The following SPATA16 variants were observed in gnomAD, a reference collection of about 807,000 sequenced individuals.
SPATA16 encodes the protein spermatogenesis-associated protein 16.
A neutral mutation model predicts 63.3 loss-of-function variants in SPATA16; 36 were observed. The ratio of observed to expected loss-of-function variants is 0.57; its 90% CI spans 0.44 to 0.75. SPATA16 has a LOEUF of 0.75. Ranked by LOEUF, SPATA16 falls within the 30% of genes least tolerant of loss-of-function variation. The pLI is 0.00. For synonymous variants in SPATA16, 203 were observed against 216.7 expected (o/e 0.94, Z 0.56); for missense variants, 646 against 679.3 (o/e 0.95, Z 0.54).
chr3:172,891,195 A>G (rs1009559555), intron 10 of SPATA16, among the ~76,000 whole-genome samples: 3 of 152,166 alleles, frequency 2.0e-5, no homozygotes, highest in African/African-American at 7.2e-5. Flanking sequence ...AATATTTGCA[A>G]TTAGCCCAAA....
intron 4 of SPATA16, among the ~76,000 whole-genome samples, chr3:172,989,092 T>C (rs1160574289): frequency 6.6e-6 from 1 of 152,230 alleles, no homozygotes; most frequent in Non-Finnish European, 1.5e-5. Context: ...TGGAATCTTC[T>C]TTCTTTCCAA....
chr3:173,007,368 A>G (rs1269527707), intron 4 of SPATA16, among the ~76,000 whole-genome samples: 1 of 152,202 alleles, frequency 6.6e-6, no homozygotes, highest in African/African-American at 2.4e-5. Context: ...AGCGGCAGGC[A>G]GCTGATATGG....
intron 4 of SPATA16, among the ~76,000 whole-genome samples, chr3:173,015,126 C>T (rs1447551042): frequency 2.7e-5 from 4 of 150,306 alleles, no homozygotes; most frequent in East Asian, 2.0e-4. Context: ...TGCAATGGCA[C>T]GATCTCCACT....
intron 1 of SPATA16, among the ~76,000 whole-genome samples, chr3:173,129,526 C>T (rs1366858493): frequency 6.6e-6 from 1 of 151,854 alleles, no homozygotes; most frequent in African/African-American, 2.4e-5. Flanking sequence ...AAATATTGTG[C>T]TCTCTATATA....
chr3:173,019,568 C>T lies in SPATA16; in HGVS notation c.766G>A (p.Val256Ile), dbSNP rs758246629. ...TTCCGGAAATAGGCTGGGTTTAAAA[C>T]AATGCTCCTGTAAAAAGGTAAAAGA... Reference protein sequence around the residue: ...LALNHAHRSIVLNPAYFRNHL... With the variant: ...LALNHAHRSIILNPAYFRNHL... Residue 256 changes from valine to isoleucine, a missense_variant, in exon 4 of 11, where the codon GTT becomes ATT. Val to Ile is a conservative substitution (Grantham distance 29, BLOSUM62 3). Coordinates refer to ENST00000351008, the MANE Select transcript of SPATA16 (RefSeq NM_031955.6). 3.1e-6 allele frequency: 5 copies of T among 1,613,888 alleles called. No individual in the cohort carries two copies. The highest frequency in any genetic ancestry group is 4.2e-6 in the Non-Finnish European group (5 of 1,179,900).
At chr3:173,033,123 C>T (rs981045631) in intron 3 of SPATA16, among the ~76,000 whole-genome samples, 8 of 151,876 alleles carry the variant, frequency 5.3e-5, no homozygotes, top group South Asian at 2.1e-4. Flanking sequence ...ATAATATCAG[C>T]GTAGAGATAG....
intron 4 of SPATA16, among the ~76,000 whole-genome samples, chr3:173,011,055 A>G (rs1378304872): frequency 6.6e-6 from 1 of 152,192 alleles, no homozygotes; most frequent in Non-Finnish European, 1.5e-5. Context: ...AAAAAAAATC[A>G]AGGAGGAGGG....
chr3:173,019,999 A>G (rs1032327998), intron 3 of SPATA16, among the ~76,000 whole-genome samples: 1 of 151,912 alleles, frequency 6.6e-6, no homozygotes, highest in Admixed American at 6.6e-5. Flanking sequence ...GTTAAAAAAA[A>G]AAAAAGGAAC....
intron 6 of SPATA16, among the ~76,000 whole-genome samples, chr3:172,943,492 C>T (rs1286213274): frequency 6.6e-6 from 1 of 152,164 alleles, no homozygotes; most frequent in East Asian, 1.9e-4. Flanking sequence ...TACCAAACCA[C>T]AAGCTGTTAG....
At chr3:172,957,837 G>A (rs1733637676) in intron 5 of SPATA16, among the ~76,000 whole-genome samples, 1 of 152,132 alleles carries the variant, frequency 6.6e-6, no homozygotes. Flanking sequence ...AAACAACAGG[G>A]AGTGGATTTT....
At chr3:172,896,279 G>A (rs1403631337) in intron 10 of SPATA16, among the ~76,000 whole-genome samples, 1 of 152,148 alleles carries the variant, frequency 6.6e-6, no homozygotes, top group Non-Finnish European at 1.5e-5. Context: ...GGAGTGCAGT[G>A]GCGTGATCTC....
At chr3:173,125,993 T>C (rs1283518266) in intron 1 of SPATA16, among the ~76,000 whole-genome samples, 4 of 149,528 alleles carry the variant, frequency 2.7e-5, no homozygotes, top group Non-Finnish European at 6.0e-5. Context: ...AAGTTAGCTT[T>C]TTACAACTTG....
chr3:172,895,760 A>C (rs930614492), intron 10 of SPATA16, among the ~76,000 whole-genome samples: 1 of 152,132 alleles, frequency 6.6e-6, no homozygotes. Context: ...ATTTCTTTTT[A>C]TCACTAACTA....
intron 2 of SPATA16, among the ~76,000 whole-genome samples, chr3:173,066,043 C>T (rs1322659881): frequency 6.6e-6 from 1 of 152,150 alleles, no homozygotes; most frequent in Non-Finnish European, 1.5e-5. Context: ...CTCCACTCCC[C>T]CAAATCCAGG....
chr3:172,977,226 T>A (rs774053626), intron 4 of SPATA16, among the ~76,000 whole-genome samples, 174 bp from the exon 5 acceptor site: 1 of 151,930 alleles, frequency 6.6e-6, no homozygotes, highest in Non-Finnish European at 1.5e-5. Flanking sequence ...AAGTAGGGAT[T>A]TTTTTGGGGA....
At chr3:173,096,801 G>A (rs758401985) in intron 2 of SPATA16, among the ~76,000 whole-genome samples, 3 of 148,708 alleles carry the variant, frequency 2.0e-5, no homozygotes, top group Non-Finnish European at 1.5e-5. Flanking sequence ...ATTTCTAGGA[G>A]CAAAACACCA....
At position 173,057,183 on chromosome 3, in the gene SPATA16, C is replaced by G. The variant is rs930228697; in HGVS notation, c.613-8089G>C. Among the ~76,000 whole-genome samples the G allele has an allele frequency of 1.1e-4, 17 of 150,446 alleles. No individual in the cohort carries two copies. The East Asian group carries it at 3.3e-3, about 30-fold the overall frequency. On this transcript the variant is annotated intron_variant, in intron 2 of 10. Coordinates refer to ENST00000351008, the MANE Select transcript of SPATA16 (RefSeq NM_031955.6). ...CTGGAGTGCAGTGGCGAGATCTTGG[C>G]TCACTGCAAGCTCCGCCTCCCGGAT...
intron 2 of SPATA16, among the ~76,000 whole-genome samples, chr3:173,105,600 C>A (rs1342084862): frequency 1.3e-5 from 2 of 152,106 alleles, no homozygotes; most frequent in East Asian, 3.9e-4. Flanking sequence ...TACTGATGAC[C>A]CTTCAATGTC....
intron 2 of SPATA16, among the ~76,000 whole-genome samples, chr3:173,079,042 T>C (rs999109778): frequency 1.3e-5 from 2 of 152,328 alleles, no homozygotes; most frequent in Non-Finnish European, 2.9e-5. Context: ...ACGTTATTCC[T>C]AAAAATGTGT....
Sources: gnomAD v4.1 joint callset for allele counts (sites outside exome capture counted in the v4.1 genomes callset) on GRCh38, gnomAD v4.1.1 for gene constraint, MANE v1.5 for transcripts, NCBI Gene and HGNC (gene_info 2026-07-23, HGNC 2026-07-21) for gene names.